The following SSBP3 variants were observed in gnomAD, a reference collection of about 807,000 sequenced individuals.
SSBP3 encodes single stranded DNA binding protein 3, also known as single-stranded DNA-binding protein 3.
SSBP3 carries 5 observed loss-of-function variants against 69.6 expected under a neutral mutation model. That is an observed-to-expected ratio of 0.07 (90% CI 0.04 to 0.15). The LOEUF (loss-of-function observed/expected upper bound fraction) is 0.15, where lower values mean the gene tolerates loss of function less well. Among genes scored for constraint, SSBP3 ranks in the 10% least tolerant of loss-of-function variants. The pLI is 1.00. For synonymous variants in SSBP3, 196 were observed against 193.4 expected, an observed-to-expected ratio of 1.01 and a Z score of -0.11; for missense variants, 312 against 534.0, an observed-to-expected ratio of 0.58 and a Z score of 4.10.
At chr1:54,285,311 C>T (rs1345767935) in intron 4 of SSBP3, 1 of 152,104 alleles carries the variant, frequency 6.6e-6, no homozygotes, top group African/African-American at 2.4e-5. Flanking sequence ...ATAACTTGCT[C>T]ACAAAATCTA....
At chr1:54,413,127 G>A (rs933326736) in intron 1 of SSBP3, 5 of 152,322 alleles carry the variant, frequency 3.3e-5, no homozygotes, top group African/African-American at 9.6e-5. Flanking sequence ...GAGCATCAGA[G>A]GTTCCCATGC....
intron 4 of SSBP3, among the ~76,000 whole-genome samples, chr1:54,371,390 T>C (rs937007772): frequency 6.6e-6 from 1 of 152,226 alleles, no homozygotes; most frequent in African/African-American, 2.4e-5. Context: ...ACACCTTACA[T>C]GATGACTTGC....
chr1:54,291,607 T>C (rs1645609582), intron 4 of SSBP3, among the ~76,000 whole-genome samples: 2 of 152,282 alleles, frequency 1.3e-5, no homozygotes, highest in South Asian at 4.1e-4. Flanking sequence ...CGTCCTTTGG[T>C]ACTGCTGGAG....
chr1:54,278,155 T>C (rs555624511), intron 5 of SSBP3, among the ~76,000 whole-genome samples: 3 of 152,162 alleles, frequency 2.0e-5, no homozygotes, highest in Non-Finnish European at 2.9e-5. Flanking sequence ...ACACCACTCC[T>C]GAACTCCCAA....
intron 4 of SSBP3, among the ~76,000 whole-genome samples, chr1:54,291,225 C>T (rs1645600565): frequency 6.6e-6 from 1 of 152,090 alleles, no homozygotes; most frequent in Non-Finnish European, 1.5e-5. Context: ...AGGATGGGAG[C>T]CCACACTCTC....
chr1:54,289,983 A>G (rs1299160763), intron 4 of SSBP3, among the ~76,000 whole-genome samples: 1 of 152,090 alleles, frequency 6.6e-6, no homozygotes, highest in Non-Finnish European at 1.5e-5. Flanking sequence ...CATCCTTCCA[A>G]CAATCCACAG....
intron 4 of SSBP3, among the ~76,000 whole-genome samples, chr1:54,390,746 G>A (rs1045353757): frequency 2.0e-5 from 3 of 152,268 alleles, no homozygotes; most frequent in Admixed American, 2.0e-4. Flanking sequence ...CCAGCGCGGA[G>A]ATCGTGGAGA....
Position 54,233,989 on chromosome 1 carries a change from T to G in SSBP3, c.927+5140A>C, listed in dbSNP as rs1276418388. Among the ~76,000 whole-genome samples the G allele has an allele frequency of 5.9e-5, 9 of 152,238 alleles. No homozygotes were observed. The East Asian group carries it at 1.5e-3, about 26-fold the overall frequency. On this transcript the variant is annotated intron_variant, in intron 14 of 17. Coordinates refer to ENST00000610401, the Ensembl canonical transcript of SSBP3. ...AAGTAGACATGGGAGACTTTTCATT[T>G]TGTTCTGCACTAAGAAAAATTCTTC...
chr1:54,285,043 T>C (rs771598406), intron 4 of SSBP3, among the ~76,000 whole-genome samples: 6 of 152,302 alleles, frequency 3.9e-5, no homozygotes, highest in Admixed American at 1.3e-4. Context: ...CATGTTAGCA[T>C]TGACTAAGGG....
chr1:54,349,946 G>A (rs140648527), intron 4 of SSBP3, among the ~76,000 whole-genome samples: 6 of 152,196 alleles, frequency 3.9e-5, no homozygotes, highest in Admixed American at 3.3e-4. Flanking sequence ...AGCCTCTGCT[G>A]TTGGCTGTCA....
intron 4 of SSBP3, among the ~76,000 whole-genome samples, chr1:54,319,719 T>C (rs1557528165): frequency 6.6e-6 from 1 of 151,230 alleles, no homozygotes; most frequent in Non-Finnish European, 1.5e-5. Context: ...GCAGGAAAAA[T>C]GGCCAGAGGC....
chr1:54,341,132 C>T (rs904478641), intron 4 of SSBP3, among the ~76,000 whole-genome samples: 16 of 152,198 alleles, frequency 1.1e-4, no homozygotes, highest in African/African-American at 2.4e-4. Context: ...ACTCTCTTTC[C>T]GCAATTAAAC....
intron 4 of SSBP3, chr1:54,356,964 A>G (rs1292200505): frequency 6.6e-6 from 1 of 152,342 alleles, no homozygotes; most frequent in Non-Finnish European, 1.5e-5. Flanking sequence ...AAGGCCTGAC[A>G]CAGTCTCACC....
chr1:54,402,420 C>T (rs1217596037), intron 3 of SSBP3, among the ~76,000 whole-genome samples: 2 of 152,146 alleles, frequency 1.3e-5, no homozygotes, highest in Non-Finnish European at 2.9e-5. Context: ...AAAGTCAGAA[C>T]ACAACTATGA....
At chr1:54,380,444 TTC>T in intron 4 of SSBP3, among the ~76,000 whole-genome samples, 1 of 152,224 alleles carries the variant, frequency 6.6e-6, no homozygotes, top group South Asian at 2.1e-4. Flanking sequence ...CAGTGACAGC[TTC>T]TGTCCTCGTG....
At chr1:54,320,650 C>G (rs906437157) in intron 4 of SSBP3, among the ~76,000 whole-genome samples, 3 of 152,122 alleles carry the variant, frequency 2.0e-5, no homozygotes, top group African/African-American at 7.2e-5. Context: ...TGCCAGAGTC[C>G]TGAGAGGTGG....
chr1:54,296,730 G>A (rs1645710416), intron 4 of SSBP3, among the ~76,000 whole-genome samples: 1 of 152,302 alleles, frequency 6.6e-6, no homozygotes, highest in African/African-American at 2.4e-5. Flanking sequence ...CATCCATCAG[G>A]TGCTCCAGAA....
exon 4 of SSBP3, chr1:54,401,892 T>C (rs980867167): frequency 6.2e-7 from 1 of 1,614,078 alleles, no homozygotes; most frequent in African/African-American, 1.3e-5. Flanking sequence ...TTCACTTGAA[T>C]GTTCACAAGT....
intron 4 of SSBP3, among the ~76,000 whole-genome samples, chr1:54,393,063 T>C (rs1648611433): frequency 2.0e-5 from 3 of 152,096 alleles, no homozygotes; most frequent in Non-Finnish European, 4.4e-5. Flanking sequence ...GGAATCATGG[T>C]GAAGAGGCCA....
Sources: gnomAD v4.1 joint callset for allele counts (sites outside exome capture counted in the v4.1 genomes callset) on GRCh38, gnomAD v4.1.1 for gene constraint, MANE v1.5 for transcripts, NCBI Gene and HGNC (gene_info 2026-07-23, HGNC 2026-07-21) for gene names.